HEATR1: variants seen among roughly 807,000 people sequenced by gnomAD.
HEATR1 encodes HEAT repeat-containing protein 1.
A neutral mutation model predicts 248.2 loss-of-function variants in HEATR1; 77 were observed. The observed-to-expected ratio is 0.31, with a 90% CI of 0.26 to 0.37. The LOEUF (loss-of-function observed/expected upper bound fraction) is 0.37, where lower values mean the gene tolerates loss of function less well. Ranked by LOEUF, HEATR1 falls within the 10% of genes least tolerant of loss-of-function variation. The probability of loss-of-function intolerance (pLI) is 1.00; values close to 1 mark genes in which losing one functional copy is unlikely to be tolerated. For missense variants in HEATR1, 2,420 were observed against 2,504.9 expected (o/e 0.97, Z 0.72); for synonymous variants, 897 against 923.1 (o/e 0.97, Z 0.51).
intron 43 of HEATR1, 140 bp downstream of exon 43, chr1:236,553,441 G>A (rs1475132): frequency 0.65 from 517,412 of 797,054 alleles, 172,409 homozygotes; most frequent in Non-Finnish European, 0.7. Context: ...ACAAAAGACC[G>A]GACCTCTAGT....
In HEATR1 at chr1:236,595,909, G is replaced by A. The variant is rs1325581869; in HGVS notation, c.880C>T (p.Pro294Ser). 1.2e-6 allele frequency: 2 copies of A among 1,613,864 alleles called. No homozygotes were observed. Among genetic ancestry groups the A allele is most frequent in the Non-Finnish European group, 1.7e-6 (2 of 1,179,892 alleles). Reference sequence around the variant, plus strand: ...CTTAACCCATCCTTGATCAAAGAGGGAATCTTGGTCAATGTTTTGATGATC... The same window carrying A: ...CTTAACCCATCCTTGATCAAAGAGGAAATCTTGGTCAATGTTTTGATGATC... ...SQIIKTLTKI[P>S]SLIKDGLSCL... The change falls in exon 7 of 45, where the codon CCC (proline) becomes TCC (serine). Residue 294 changes from proline to serine, a missense_variant. Physicochemically the swap from Pro to Ser is moderately conservative, Grantham distance 74. Transcript: ENST00000366582.
chr1:236,566,633 C>T lies in HEATR1; in HGVS notation c.4308+13G>A. On this transcript the variant is annotated intron_variant, in intron 30 of 44. Transcript: ENST00000366582. ...ATCACCATTTTCCTTATCTTCCCACCCTAGGTTCTGACCTTTTCGCCATAG... is the reference window on the plus strand; with the variant it reads ...ATCACCATTTTCCTTATCTTCCCACTCTAGGTTCTGACCTTTTCGCCATAG... 1 of 1,583,480 alleles carries T rather than the reference C, an allele frequency of 6.3e-7. No individual in the cohort carries two copies. The highest frequency in any genetic ancestry group is 8.7e-7 in the Non-Finnish European group (1 of 1,153,100).
intron 22 of HEATR1, among the ~76,000 whole-genome samples, chr1:236,575,939 A>C (rs1033644698): frequency 1.3e-5 from 2 of 152,210 alleles, no homozygotes; most frequent in Non-Finnish European, 2.9e-5. Context: ...GTGCAGCCCC[A>C]TGAGACACGA....
At position 236,574,182 on chromosome 1, in the gene HEATR1, A is replaced by G. The variant is rs769318974; in HGVS notation, c.3459+20T>C. ...ACTATAAACATTAATAAAAAAAATTACAAGAAGTTTGCAGCTTACCCCTTT... is the reference window on the plus strand; with the variant it reads ...ACTATAAACATTAATAAAAAAAATTGCAAGAAGTTTGCAGCTTACCCCTTT... On this transcript the variant is annotated intron_variant, in intron 24 of 44. Coordinates refer to ENST00000366582, the MANE Select transcript of HEATR1 (RefSeq NM_018072.6). The G allele has an allele frequency of 9.5e-6, 15 of 1,577,764 alleles. No homozygotes were observed.
At chr1:236,566,242 C>G (rs535794907) in intron 30 of HEATR1, among the ~76,000 whole-genome samples, 197 bp from the exon 31 acceptor site, 1 of 152,146 alleles carries the variant, frequency 6.6e-6, no homozygotes, top group Non-Finnish European at 1.5e-5. Flanking sequence ...GGGCTTTATC[C>G]AAACAATCAC....
At chr1:236,567,567 G>T (rs1663306554) in intron 29 of HEATR1, among the ~76,000 whole-genome samples, 1 of 152,128 alleles carries the variant, frequency 6.6e-6, no homozygotes, top group African/African-American at 2.4e-5. Context: ...AAATTAGCCG[G>T]GCGTGGTGGT....
rs764327680 is a variant in HEATR1 at position 236,579,927 on chromosome 1, T to TA, written c.2755+1294dup. ...CATTTACAAAGAGTAATTTTGGAAT[T>TA]AAAAAAAAAACAACAAGAAACAAAA... On this transcript the variant is annotated intron_variant, in intron 20 of 44. Transcript: ENST00000366582. 2.5e-4 allele frequency among the ~76,000 whole-genome samples: 24 copies of TA among 94,876 alleles called. No individual in the cohort carries two copies. In the East Asian group the frequency reaches 3.1e-3, roughly 12 times the overall value. The allele number at this position is 94,876 out of a possible 152,430, so 62.2% of individuals were successfully genotyped here.
chr1:236,578,758 A>G (rs953870491), intron 20 of HEATR1, among the ~76,000 whole-genome samples: 4 of 152,216 alleles, frequency 2.6e-5, no homozygotes, highest in Admixed American at 6.5e-5. Flanking sequence ...GGCTTTCTCA[A>G]TTTTCAATGT....
intron 37 of HEATR1, among the ~76,000 whole-genome samples, chr1:236,556,914 G>T (rs949098718): frequency 6.6e-6 from 1 of 151,982 alleles, no homozygotes; most frequent in African/African-American, 2.4e-5. Flanking sequence ...CAACTCCAAA[G>T]ATCTCACAGA....
Position 236,550,199 on chromosome 1 carries a change from G to A in HEATR1, c.*703C>T, listed in dbSNP as rs1662661771. 1 of 152,184 alleles carries A rather than the reference G, an allele frequency of 6.6e-6. No homozygotes were observed. Among genetic ancestry groups the A allele is most frequent in the Non-Finnish European group, 1.5e-5 (1 of 68,040 alleles). 9.4% of individuals were successfully genotyped at this position (152,184 alleles called of 1,614,324 possible). A position where few individuals can be genotyped will look rare whatever the true frequency, so the allele number is the denominator to read the frequency against. ...TGGAACTGGGTTCATTCTGAATCCT[G>A]GAGGAGCTTCCTCGTGCCACCCAGT... On this transcript the variant is annotated 3_prime_UTR_variant, in exon 45 of 45. Coordinates refer to ENST00000366582, the MANE Select transcript of HEATR1 (RefSeq NM_018072.6).
rs370681768 is a variant in HEATR1, at chr1:236,585,923, T to C, written c.1946A>G (p.Lys649Arg). 9.9e-6 allele frequency: 16 copies of C among 1,613,428 alleles called. No individual in the cohort carries two copies. The highest frequency in any genetic ancestry group is 1.4e-5 in the Non-Finnish European group (16 of 1,179,602). Residue 649 changes from lysine to arginine, a missense_variant, in exon 16 of 45, where the codon AAA becomes AGA. Coordinates refer to ENST00000366582, the MANE Select transcript of HEATR1 (RefSeq NM_018072.6). The part of the protein sequence containing the change: ...GWEEALENVI[K>R]STKPGKLIGV... ...GATTAGTTTTCCTGGCTTTGTGCTT[T>C]TAATTACATTTTCAAGAGCTGTAAA...
Position 236,588,055 on chromosome 1 carries a change from A to C in HEATR1, c.1531-12T>G. 6.3e-7 allele frequency: 1 copy of C among 1,595,802 alleles called. No homozygotes were observed. Among genetic ancestry groups the C allele is most frequent in the Non-Finnish European group, 8.6e-7 (1 of 1,169,350 alleles). Reference sequence around the variant, plus strand: ...TCATCAACACCCTCCTGAGCAATAAAAGAAAAACATTAATTTAGCTGTTGC... The same window carrying C: ...TCATCAACACCCTCCTGAGCAATAACAGAAAAACATTAATTTAGCTGTTGC... On this transcript the variant is annotated splice_polypyrimidine_tract_variant and intron_variant, in intron 12 of 44. Coordinates refer to ENST00000366582, the MANE Select transcript of HEATR1 (RefSeq NM_018072.6).
At chr1:236,580,824 A>ATGTTTTTTTTTTT (rs1663710844) in intron 20 of HEATR1, among the ~76,000 whole-genome samples, 1 of 126,656 alleles carries the variant, frequency 7.9e-6, no homozygotes, top group Non-Finnish European at 1.6e-5. Context: ...GCCTTTATCG[A>ATGTTTTTTTTTTT]TTTTTTTTTT....
At chr1:236,572,607 A>G (rs1253914107) in intron 25 of HEATR1, 53 bp from the exon 26 acceptor site, 1 of 1,608,884 alleles carries the variant, frequency 6.2e-7, no homozygotes, top group Non-Finnish European at 8.5e-7. Context: ...TCATGTGCTA[A>G]GTAAAAACCA....
chr1:236,581,124 A>AC, intron 20 of HEATR1, 98 bp downstream of exon 20: 2 of 959,844 alleles, frequency 2.1e-6, no homozygotes, highest in South Asian at 3.1e-5. Flanking sequence ...GCCCTCTGCT[A>AC]TTTTTTTTTA....
At position 236,558,241 on chromosome 1, in the gene HEATR1, G is replaced by A. The variant is rs756621877; in HGVS notation, c.5200C>T (p.Pro1734Ser). 1 of 1,610,688 alleles carries A rather than the reference G, an allele frequency of 6.2e-7. No homozygotes were observed. Among genetic ancestry groups the A allele is most frequent in the Non-Finnish European group, 8.5e-7 (1 of 1,178,256 alleles). The change falls in exon 36 of 45, where the codon CCC becomes TCC. Residue 1734 changes from proline (P) to serine (S), a missense_variant. Coordinates refer to ENST00000366582, the MANE Select transcript of HEATR1 (RefSeq NM_018072.6). ...TCCAAGTCTCCGGCCGCATACCTGG[G>A]AAGCTGGGGGATGGCCAGCGCCTCC... is the stretch of plus-strand genomic sequence containing the variant. ...TLEALAIPQL[P>S]SLMPSLLTTM...
intron 17 of HEATR1, among the ~76,000 whole-genome samples, chr1:236,583,765 G>A (rs947880733): frequency 5.9e-5 from 9 of 152,096 alleles, no homozygotes. Flanking sequence ...GGGATTATAG[G>A]CGTGAGCTAC....
At chr1:236,603,682 C>A (rs1394433187) in intron 2 of HEATR1, among the ~76,000 whole-genome samples, 4 of 151,668 alleles carry the variant, frequency 2.6e-5, no homozygotes, top group Non-Finnish European at 4.4e-5. Context: ...TGCCTCCATC[C>A]CCCTTTTAGC....
chr1:236,556,036 A>T, intron 38 of HEATR1, 64 bp downstream of exon 38: 2 of 1,606,836 alleles, frequency 1.2e-6, no homozygotes, highest in Non-Finnish European at 1.7e-6. Flanking sequence ...CTTTAAGTCA[A>T]AGTTTACACA....
Sources: gnomAD v4.1 joint callset for allele counts (sites outside exome capture counted in the v4.1 genomes callset) on GRCh38, gnomAD v4.1.1 for gene constraint, MANE v1.5 for transcripts, NCBI Gene and HGNC (gene_info 2026-07-23, HGNC 2026-07-21) for gene names.